Variants in HHLA1 observed in about 807,000 individuals in gnomAD.
HHLA1 encodes HERV-H LTR-associating protein 1.
Under a neutral mutation model 69.9 loss-of-function variants are expected in HHLA1, and 72 were observed. The observed-to-expected ratio is 1.03, with a 90% confidence interval of 0.85 to 1.25. The LOEUF is 1.25. Ranked by LOEUF, HHLA1 falls within the 50% of genes most tolerant of loss-of-function variation. HHLA1 has a pLI of 0.00. For missense variants in HHLA1, 685 were observed against 642.2 expected (o/e 1.07, Z -0.72); for synonymous variants, 252 against 233.2 (o/e 1.08, Z -0.73).
At chr8:132,073,998 C>A (rs187542596) in intron 14 of HHLA1, among the ~76,000 whole-genome samples, 1 of 152,318 alleles carries the variant, frequency 6.6e-6, no homozygotes, top group East Asian at 1.9e-4. Context: ...CTTTCTGCAA[C>A]ACAAATCTGA....
intron 10 of HHLA1, among the ~76,000 whole-genome samples, chr8:132,086,851 G>A (rs995650229): frequency 6.6e-6 from 1 of 152,194 alleles, no homozygotes; most frequent in Non-Finnish European, 1.5e-5. Context: ...CTGAAGTGGA[G>A]TTGCAGATTT....
At chr8:132,092,744 A>G (rs866284594) in intron 7 of HHLA1, among the ~76,000 whole-genome samples, 1 of 152,198 alleles carries the variant, frequency 6.6e-6, no homozygotes. Flanking sequence ...TCTTCTCTTT[A>G]TAAATTACCC....
In HHLA1 at chr8:132,098,955, G is replaced by A. The variant is rs368271188; in HGVS notation, c.207C>T (p.Pro69=). The part of the protein sequence containing the change: ...GVAFLATTEL[P]ARSIDLSALN... ...GCGCGGACAGATCGATTGACCTTGC[G>A]GGCAGCTCTGAAAGAGATTCAGAGA... The change falls in exon 5 of 17, where the codon CCC becomes CCT. Residue 69 remains proline, a synonymous_variant. Coordinates refer to ENST00000414222, the MANE Select transcript of HHLA1 (RefSeq NM_001145095.3). 76 of 1,548,712 alleles carry A rather than the reference G, an allele frequency of 4.9e-5. No homozygotes were observed. The highest frequency in any genetic ancestry group is 5.8e-5 in the Non-Finnish European group (66 of 1,145,270).
chr8:132,066,679 C>T (rs554035065), intron 15 of HHLA1, among the ~76,000 whole-genome samples: 100 of 152,288 alleles, frequency 6.6e-4, no homozygotes, highest in African/African-American at 1.8e-3. Flanking sequence ...TCTCTTCCAC[C>T]TCTAACATTC....
At chr8:132,074,329 C>T (rs775438577) in intron 14 of HHLA1, among the ~76,000 whole-genome samples, 9 of 146,100 alleles carry the variant, frequency 6.2e-5, no homozygotes, top group Non-Finnish European at 1.4e-4. Context: ...TCAATTGCAG[C>T]TTTTTTTTTT....
At chr8:132,069,119 G>T (rs542509405) in intron 15 of HHLA1, among the ~76,000 whole-genome samples, 1 of 152,176 alleles carries the variant, frequency 6.6e-6, no homozygotes, top group East Asian at 1.9e-4. Context: ...CCAGAGACTT[G>T]GTCTCCCATC....
chr8:132,101,990 C>T (rs1458425108), intron 3 of HHLA1, among the ~76,000 whole-genome samples: 2 of 152,206 alleles, frequency 1.3e-5, no homozygotes, highest in Non-Finnish European at 2.9e-5. Context: ...CATTGAACAA[C>T]GAACTTCCCA....
Position 132,063,083 on chromosome 8 carries a change from G to A in HHLA1, c.*912C>T, listed in dbSNP as rs1196458250. The A allele has an allele frequency of 6.6e-6, 1 of 152,278 alleles. No individual in the cohort carries two copies. Among genetic ancestry groups the A allele is most frequent in the Admixed American group, 6.5e-5 (1 of 15,282 alleles). 9.4% of individuals were successfully genotyped at this position (152,278 alleles called of 1,614,324 possible). On this transcript the variant is annotated 3_prime_UTR_variant, in exon 17 of 17. Transcript: ENST00000414222. Reference sequence around the variant, plus strand: ...ATCCCCTGGACACCAAAACTTGGATGAGCTTTCCTGGCTGACAATACTCCA... The same window carrying A: ...ATCCCCTGGACACCAAAACTTGGATAAGCTTTCCTGGCTGACAATACTCCA...
At chr8:132,072,527 G>T (rs1823564438) in intron 14 of HHLA1, among the ~76,000 whole-genome samples, 1 of 152,092 alleles carries the variant, frequency 6.6e-6, no homozygotes, top group African/African-American at 2.4e-5. Flanking sequence ...AAGAAAAAGG[G>T]CCTTCCTCTC....
At chr8:132,107,331 G>A (rs571039935) in intron 1 of HHLA1, among the ~76,000 whole-genome samples, 6 of 151,682 alleles carry the variant, frequency 4.0e-5, no homozygotes, top group East Asian at 3.9e-4. Flanking sequence ...GAAGAGTTTC[G>A]CTCTTGTTGC....
intron 2 of HHLA1, 98 bp downstream of exon 2, chr8:132,105,089 C>G (rs888745606): frequency 5.7e-6 from 5 of 882,580 alleles, no homozygotes; most frequent in Non-Finnish European, 9.1e-6. Context: ...CATTTGGATT[C>G]TGGGCAGAAA....
At chr8:132,107,167 T>C (rs893862362) in intron 1 of HHLA1, among the ~76,000 whole-genome samples, 1 of 152,194 alleles carries the variant, frequency 6.6e-6, no homozygotes, top group African/African-American at 2.4e-5. Flanking sequence ...AATTAAAAGA[T>C]AAAAACTTAT....
At chr8:132,069,534 A>G (rs1286488440) in intron 15 of HHLA1, 1 of 152,250 alleles carries the variant, frequency 6.6e-6, no homozygotes, top group Non-Finnish European at 1.5e-5. Context: ...CCAAGCAAAC[A>G]GGTGCTTCAT....
At chr8:132,083,997 G>A (rs1339807559) in intron 10 of HHLA1, among the ~76,000 whole-genome samples, 9 of 150,700 alleles carry the variant, frequency 6.0e-5, no homozygotes, top group Non-Finnish European at 8.9e-5. Flanking sequence ...GGGCTATAAA[G>A]TGTCTCAGGG....
At chr8:132,075,677 A>G (rs900958608) in intron 14 of HHLA1, among the ~76,000 whole-genome samples, 2 of 152,102 alleles carry the variant, frequency 1.3e-5, no homozygotes, top group African/African-American at 4.8e-5. Flanking sequence ...AGCAGCTTCT[A>G]TTTGCAAAGT....
chr8:132,085,181 C>T (rs1457702118), intron 10 of HHLA1, among the ~76,000 whole-genome samples: 2 of 152,162 alleles, frequency 1.3e-5, no homozygotes, highest in Admixed American at 6.5e-5. Context: ...AGAGGCATCC[C>T]TGCAATGATT....
At chr8:132,079,994 T>A in intron 10 of HHLA1, 28 bp from the exon 11 acceptor site, 1 of 1,552,136 alleles carries the variant, frequency 6.4e-7, no homozygotes, top group South Asian at 1.2e-5. Flanking sequence ...ATGGTAACAT[T>A]AACATGCTTG....
At position 132,078,082 on chromosome 8, in the gene HHLA1, C is replaced by T. The variant is rs548733210; in HGVS notation, c.926-111G>A. ...TATCAAAGGGCAAATGCAATGTGAA[C>T]GTGTAATATAAGTAATCCAGGGGCT... On this transcript the variant is annotated intron_variant, in intron 11 of 16. Transcript: ENST00000414222. 1.6e-4 allele frequency: 190 copies of T among 1,151,816 alleles called. 1 individual carries two copies. In the South Asian group the frequency reaches 2.4e-3, roughly 14 times the overall value. The allele number at this position is 1,151,816 out of a possible 1,614,324, so 71.3% of individuals were successfully genotyped here.
Position 132,071,493 on chromosome 8 carries a change from C to G in HHLA1, c.1316G>C (p.Arg439Thr), listed in dbSNP as rs568204591. The G allele has an allele frequency of 6.4e-7, 1 of 1,551,074 alleles. No individual in the cohort carries two copies. Among genetic ancestry groups the G allele is most frequent in the Admixed American group, 2.0e-5 (1 of 50,962 alleles). The change falls in exon 15 of 17, where the codon AGG (arginine) becomes ACG (threonine). Residue 439 changes from arginine to threonine, a missense_variant and splice_region_variant. By Grantham distance (71) the Arg-to-Thr change is moderately conservative. Coordinates refer to ENST00000414222, the MANE Select transcript of HHLA1 (RefSeq NM_001145095.3). ...VLVPRPHQVS[R>T]CPQPLFKVGA... Reference sequence around the variant, plus strand: ...CACCTTGAAGAGTGGCTGAGGACACCCTAGAAGATGCAATCCCAGACCAAT... The same window carrying G: ...CACCTTGAAGAGTGGCTGAGGACACGCTAGAAGATGCAATCCCAGACCAAT...
Sources: allele counts gnomAD v4.1 joint callset (sites outside exome capture counted in the v4.1 genomes callset), GRCh38; gene constraint gnomAD v4.1.1; transcripts MANE v1.5; gene names NCBI Gene and HGNC (gene_info 2026-07-23, HGNC 2026-07-21).